The following PPP1CB variants were observed in gnomAD, a reference collection of about 807,000 sequenced individuals.
PPP1CB encodes the protein serine/threonine-protein phosphatase PP1-beta catalytic subunit.
Under a neutral mutation model 43.7 loss-of-function variants are expected in PPP1CB, and 2 were observed. The observed-to-expected ratio is 0.05, with a 90% CI of 0.02 to 0.14. The LOEUF is 0.14. Among genes scored for constraint, PPP1CB ranks in the 10% least tolerant of loss-of-function variants. The pLI, the probability that PPP1CB is intolerant of heterozygous loss-of-function variation, is 1.00. For synonymous variants in PPP1CB, 136 were observed against 135.6 expected, an observed-to-expected ratio of 1.00 and a Z score of -0.02; for missense variants, 84 against 398.0, an observed-to-expected ratio of 0.21 and a Z score of 6.71.
chr2:28,752,426 CGCCGGCCGAAGGCTGTGCGGA>C (rs1666333820), intron 1 of PPP1CB, among the ~76,000 whole-genome samples: 1 of 152,168 alleles, frequency 6.6e-6, no homozygotes, highest in African/African-American at 2.4e-5. Context: ...GGGCCAGGCC[CGCCGGCCGAAGGCTGTGCGGA>C]GCGGGTCTGC....
At chr2:28,773,187 A>G (rs1297442058) in intron 1 of PPP1CB, among the ~76,000 whole-genome samples, 1 of 152,202 alleles carries the variant, frequency 6.6e-6, no homozygotes, top group East Asian at 1.9e-4. Flanking sequence ...TACTATATGT[A>G]TGTAATATGT....
At chr2:28,784,917 CAAAA>C (rs869155670) in intron 5 of PPP1CB, among the ~76,000 whole-genome samples, 15 of 79,108 alleles carry the variant, frequency 1.9e-4, no homozygotes, top group East Asian at 1.9e-3. Flanking sequence ...GAAACTGTCT[CAAAA>C]AAAAAAAAAA....
intron 1 of PPP1CB, among the ~76,000 whole-genome samples, chr2:28,753,728 AT>A (rs201254924): frequency 4.9e-4 from 73 of 149,940 alleles, no homozygotes; most frequent in Middle Eastern, 3.5e-3. Context: ...ACTCCTTTTT[AT>A]TTTTTTTTTA....
chr2:28,780,573 G>C (rs1667137886), intron 3 of PPP1CB, among the ~76,000 whole-genome samples: 2 of 152,102 alleles, frequency 1.3e-5, no homozygotes, highest in Non-Finnish European at 2.9e-5. Context: ...ATTTTTAAAG[G>C]ATAAAAGATA....
intron 7 of PPP1CB, 41 bp downstream of exon 7, chr2:28,794,038 T>TA: frequency 6.7e-6 from 10 of 1,485,582 alleles, no homozygotes; most frequent in African/African-American, 4.2e-5. Flanking sequence ...AGAAATCTAA[T>TA]AAAAACTATT....
Position 28,770,411 on chromosome 2 carries a change from G to A in PPP1CB, c.53-6440G>A, listed in dbSNP as rs193279843. 7.9e-4 allele frequency among the ~76,000 whole-genome samples: 119 copies of A among 149,848 alleles called. 1 individual carries two copies. Among genetic ancestry groups the A allele is most frequent in the African/African-American group, 2.7e-3 (109 of 40,770 alleles). On this transcript the variant is annotated intron_variant, in intron 1 of 7. Transcript: ENST00000395366. ...GGGGGGAGGGGGGTGTGGGGGAGAC[G>A]ATATCATGCACACATTAATCAAATG...
chr2:28,774,174 A>T lies in PPP1CB; in HGVS notation c.53-2677A>T, dbSNP rs139535537. ...GGGAATAAAATAAATACTAGGTAAA[A>T]TATTCACCACTGTCATTTGAATATT... On this transcript the variant is annotated intron_variant, in intron 1 of 7. Coordinates refer to ENST00000395366, the MANE Select transcript of PPP1CB (RefSeq NM_002709.3). 9.7e-3 allele frequency among the ~76,000 whole-genome samples: 1,476 copies of T among 152,366 alleles called. 15 individuals carry two copies. The highest frequency in any genetic ancestry group is 0.016 in the Non-Finnish European group (1,112 of 68,038).
chr2:28,760,364 C>T (rs1332202786), intron 1 of PPP1CB, among the ~76,000 whole-genome samples: 1 of 152,068 alleles, frequency 6.6e-6, no homozygotes, highest in Non-Finnish European at 1.5e-5. Flanking sequence ...ATATTTTTAT[C>T]TTTATTACTG....
At chr2:28,769,217 A>G (rs1463903340) in intron 1 of PPP1CB, among the ~76,000 whole-genome samples, 1 of 152,074 alleles carries the variant, frequency 6.6e-6, no homozygotes, top group African/African-American at 2.4e-5. Context: ...GCACTGAAAG[A>G]AAAAAAATGA....
intron 3 of PPP1CB, among the ~76,000 whole-genome samples, chr2:28,781,230 G>C (rs1667152716): frequency 6.6e-6 from 1 of 152,002 alleles, no homozygotes; most frequent in Admixed American, 6.6e-5. Flanking sequence ...TTATTTGTCA[G>C]AAATTCTATG....
intron 6 of PPP1CB, among the ~76,000 whole-genome samples, chr2:28,789,249 A>G (rs956782836): frequency 4.6e-5 from 7 of 152,012 alleles, no homozygotes; most frequent in African/African-American, 1.4e-4. Context: ...GCTCACATCT[A>G]TAATCCCAGC....
intron 1 of PPP1CB, among the ~76,000 whole-genome samples, chr2:28,754,963 C>G (rs986758696): frequency 6.6e-6 from 1 of 152,170 alleles, no homozygotes; most frequent in East Asian, 1.9e-4. Context: ...AATCGCAGAT[C>G]AGCTATACAC....
intron 4 of PPP1CB, chr2:28,782,970 T>A (rs537128797): frequency 1.3e-5 from 2 of 152,328 alleles, no homozygotes; most frequent in Non-Finnish European, 2.9e-5. Context: ...TGTACATTAG[T>A]GTAGCTAAGG....
rs772154763 is a variant in PPP1CB, at chr2:28,799,312, AT to A, written c.*11del. 6.4e-7 allele frequency: 1 copy of A among 1,568,214 alleles called. No homozygotes were observed. Among genetic ancestry groups the A allele is most frequent in the Non-Finnish European group, 8.8e-7 (1 of 1,138,730 alleles). ...CGCCGAAGAAAAGGTGAAGAAAGGA[AT>A]TCTGTAAAGAAACCATCAGATTTGT... is the stretch of plus-strand genomic sequence containing the variant. On this transcript the variant is annotated 3_prime_UTR_variant, in exon 8 of 8. Transcript: ENST00000395366.
chr2:28,781,495 C>T (rs1421975678), intron 3 of PPP1CB, among the ~76,000 whole-genome samples: 3 of 152,096 alleles, frequency 2.0e-5, no homozygotes, highest in African/African-American at 7.2e-5. Context: ...TCCCATCCCA[C>T]CCCTACCCCC....
intron 6 of PPP1CB, 134 bp downstream of exon 6, chr2:28,788,943 T>C: frequency 2.2e-6 from 2 of 896,170 alleles, no homozygotes; most frequent in Non-Finnish European, 1.6e-6. Context: ...CTGCAACCTG[T>C]GCCTCCCGGG....
At chr2:28,797,101 C>T (rs1667511251) in intron 7 of PPP1CB, among the ~76,000 whole-genome samples, 1 of 152,038 alleles carries the variant, frequency 6.6e-6, no homozygotes, top group African/African-American at 2.4e-5. Context: ...ATGTTGAAAC[C>T]TTGCACCCCA....
chr2:28,761,909 T>C (rs755700471), intron 1 of PPP1CB, among the ~76,000 whole-genome samples: 1 of 152,168 alleles, frequency 6.6e-6, no homozygotes, highest in Non-Finnish European at 1.5e-5. Context: ...TCTCCATATA[T>C]GTAAAGAATT....
intron 5 of PPP1CB, among the ~76,000 whole-genome samples, chr2:28,786,774 CAA>C (rs70956040): frequency 0.39 from 36,502 of 93,812 alleles, 4,402 homozygotes; most frequent in Middle Eastern, 0.54. Context: ...GACTCCGTCT[CAA>C]AAAAAAAAAA....
Sources: allele counts gnomAD v4.1 joint callset (sites outside exome capture counted in the v4.1 genomes callset), GRCh38; gene constraint gnomAD v4.1.1; transcripts MANE v1.5; gene names NCBI Gene and HGNC (gene_info 2026-07-23, HGNC 2026-07-21).